Variants in PTPRG observed in about 807,000 individuals in gnomAD.
The protein encoded by PTPRG is protein tyrosine phosphatase receptor type G, also known as receptor-type tyrosine-protein phosphatase gamma.
Under a neutral mutation model 165.3 loss-of-function variants are expected in PTPRG, and 102 were observed. The observed-to-expected ratio is 0.62, with a 90% CI of 0.53 to 0.73. The LOEUF (loss-of-function observed/expected upper bound fraction) is 0.73. PTPRG is among the 30% of genes least tolerant of loss of function. PTPRG has a pLI of 0.00. For missense variants in PTPRG, 1,866 were observed against 1,861.4 expected, an observed-to-expected ratio of 1.00 and a Z score of -0.05; for synonymous variants, 675 against 669.5, an observed-to-expected ratio of 1.01 and a Z score of -0.13.
intron 5 of PTPRG, among the ~76,000 whole-genome samples, chr3:62,130,819 A>G (rs1480955069): frequency 6.6e-6 from 1 of 152,186 alleles, no homozygotes; most frequent in Non-Finnish European, 1.5e-5. Flanking sequence ...TTACCTTTCA[A>G]GAATGTTTCA....
At chr3:61,751,990 T>C (rs2033452468) in intron 2 of PTPRG, among the ~76,000 whole-genome samples, 1 of 151,422 alleles carries the variant, frequency 6.6e-6, no homozygotes. Flanking sequence ...CATGCCTCTG[T>C]CTCAGAAAAA....
chr3:62,047,141 A>T (rs147673954), intron 4 of PTPRG, among the ~76,000 whole-genome samples: 8 of 152,302 alleles, frequency 5.3e-5, no homozygotes, highest in African/African-American at 1.9e-4. Context: ...ATGCTGTGTG[A>T]TATAACCCCA....
chr3:62,271,630 T>C lies in PTPRG; in HGVS notation c.3182+75T>C. On this transcript the variant is annotated intron_variant, in intron 21 of 29. Coordinates refer to ENST00000474889, the MANE Select transcript of PTPRG (RefSeq NM_002841.4). The surrounding 1 kb of genome is among the most constrained non-coding windows in gnomAD (Gnocchi z 4.1). ...CCTCAGTGACCTTGGACCACAATGA[T>C]TGCTACTGCTTTCACTTAGAAGCTG... is the stretch of plus-strand genomic sequence containing the variant. 1 of 1,337,120 alleles carries C rather than the reference T, an allele frequency of 7.5e-7. No homozygotes were observed. The highest frequency in any genetic ancestry group is 1.5e-5 in the African/African-American group (1 of 68,286). 82.8% of individuals were successfully genotyped at this position (1,337,120 alleles called of 1,614,324 possible). A position where few individuals can be genotyped will look rare whatever the true frequency, so the allele number is the denominator to read the frequency against.
At chr3:62,133,394 C>A (rs1222355827) in intron 6 of PTPRG, among the ~76,000 whole-genome samples, 1 of 152,204 alleles carries the variant, frequency 6.6e-6, no homozygotes, top group Non-Finnish European at 1.5e-5. Context: ...ACAGAAATAG[C>A]ATTAGTAACC....
chr3:61,588,098 C>T (rs867947894), intron 1 of PTPRG, among the ~76,000 whole-genome samples: 2 of 152,086 alleles, frequency 1.3e-5, no homozygotes, highest in Non-Finnish European at 2.9e-5. Context: ...TTCAAGAGTA[C>T]AGACCACTTA....
rs1004146801 is a variant in PTPRG at position 62,237,181 on chromosome 3, C to T, written c.2375+5870C>T. On this transcript the variant is annotated intron_variant, in intron 14 of 29. Transcript: ENST00000474889. This position sits in a 1 kb window ranked among gnomAD's most constrained non-coding sequence, Gnocchi z 4.5. Reference sequence around the variant, plus strand: ...ATCAGAGGTTATCTAAACAGGTTCCCGGAAAAACAGAAGCCACAGAAGAAA... The same window carrying T: ...ATCAGAGGTTATCTAAACAGGTTCCTGGAAAAACAGAAGCCACAGAAGAAA... Among the ~76,000 whole-genome samples the T allele has an allele frequency of 6.6e-6, 1 of 152,042 alleles. No homozygotes were observed. Among genetic ancestry groups the T allele is most frequent in the Non-Finnish European group, 1.5e-5 (1 of 68,024 alleles).
chr3:61,985,728 C>A (rs190380302), intron 2 of PTPRG, among the ~76,000 whole-genome samples: 1 of 152,198 alleles, frequency 6.6e-6, no homozygotes, highest in East Asian at 1.9e-4. Context: ...TTTGATTGAC[C>A]TTCTTTGATT....
intron 4 of PTPRG, among the ~76,000 whole-genome samples, chr3:62,067,182 T>A (rs1330119722): frequency 6.6e-6 from 1 of 151,986 alleles, no homozygotes; most frequent in East Asian, 1.9e-4. Flanking sequence ...TGATAATGTT[T>A]CATGTTGACA....
chr3:61,995,745 T>TTCCTTCCTTCCTTCCTTCCCTCCTTCCC (rs1311791723), intron 3 of PTPRG, among the ~76,000 whole-genome samples: 2 of 109,730 alleles, frequency 1.8e-5, no homozygotes, highest in African/African-American at 6.8e-5. Context: ...CCTTCCTTCC[T>TTCCTTCCTTCCTTCCTTCCCTCCTTCCC]TCCCTCCCTC....
At chr3:61,995,292 T>G (rs1341476654) in intron 3 of PTPRG, among the ~76,000 whole-genome samples, 1 of 152,026 alleles carries the variant, frequency 6.6e-6, no homozygotes, top group Non-Finnish European at 1.5e-5. Context: ...TTTCTCCATG[T>G]TGGCCAGGCT....
intron 2 of PTPRG, among the ~76,000 whole-genome samples, chr3:61,944,136 C>T (rs2039698209): frequency 6.6e-6 from 1 of 152,052 alleles, no homozygotes; most frequent in African/African-American, 2.4e-5. Context: ...CTTTCCTGTG[C>T]CTTTTAAGGG....
At chr3:62,147,738 G>A (rs1295394440) in intron 6 of PTPRG, among the ~76,000 whole-genome samples, 1 of 152,156 alleles carries the variant, frequency 6.6e-6, no homozygotes, top group Non-Finnish European at 1.5e-5. Flanking sequence ...ACTGTGTTCT[G>A]GGGAAGTGTT....
intron 4 of PTPRG, among the ~76,000 whole-genome samples, chr3:62,033,094 C>G (rs1007453277): frequency 6.6e-6 from 1 of 152,110 alleles, no homozygotes; most frequent in Non-Finnish European, 1.5e-5. Flanking sequence ...TGACCCGGCT[C>G]CTGCCTCCCA....
intron 2 of PTPRG, among the ~76,000 whole-genome samples, chr3:61,910,778 C>T (rs1451471920): frequency 3.9e-5 from 6 of 152,128 alleles, no homozygotes; most frequent in South Asian, 2.1e-4. Flanking sequence ...TGCCTCTGTT[C>T]GGTGCAGCCA....
intron 2 of PTPRG, among the ~76,000 whole-genome samples, chr3:61,786,415 C>A (rs887025335): frequency 1.3e-5 from 2 of 152,144 alleles, no homozygotes; most frequent in South Asian, 4.1e-4. Context: ...TGACTTGATA[C>A]CTTGAGCCTC....
intron 1 of PTPRG, among the ~76,000 whole-genome samples, chr3:61,583,292 G>A (rs1190371411): frequency 2.6e-5 from 4 of 152,284 alleles, no homozygotes; most frequent in South Asian, 4.2e-4. Flanking sequence ...ATTGTCCATG[G>A]AGACTGAGCA....
chr3:61,739,176 C>G (rs930926338), intron 1 of PTPRG: 5 of 151,826 alleles, frequency 3.3e-5, no homozygotes, highest in Admixed American at 6.6e-5. Context: ...ACAAAGAAAT[C>G]TGTTCCTGGT....
intron 2 of PTPRG, among the ~76,000 whole-genome samples, chr3:61,859,852 C>T (rs1427557267): frequency 7.2e-5 from 11 of 151,988 alleles, no homozygotes; most frequent in Non-Finnish European, 1.2e-4. Context: ...GTTTTTCTTC[C>T]GCATTACAAC....
chr3:61,968,740 A>G (rs2040326000), intron 2 of PTPRG, among the ~76,000 whole-genome samples: 1 of 152,060 alleles, frequency 6.6e-6, no homozygotes, highest in Non-Finnish European at 1.5e-5. Flanking sequence ...TCATCTGTTA[A>G]ATGTTGGATG....
Sources: gnomAD v4.1 joint callset for allele counts (sites outside exome capture counted in the v4.1 genomes callset) on GRCh38, gnomAD v4.1.1 for gene constraint, Gnocchi (gnomAD v3.1) non-coding constraint, MANE v1.5 for transcripts, NCBI Gene and HGNC (gene_info 2026-07-23, HGNC 2026-07-21) for gene names.